CDH4: variants seen among roughly 807,000 people sequenced by gnomAD.
CDH4 encodes the protein cadherin-4.
A neutral mutation model predicts 86.0 loss-of-function variants in CDH4; 33 were observed. That is an observed-to-expected ratio of 0.38 (90% confidence interval 0.29 to 0.51). CDH4 has a LOEUF of 0.51. Ranked by LOEUF, CDH4 falls within the 20% of genes least tolerant of loss-of-function variation. CDH4 has a pLI of 0.86. For missense variants in CDH4, 1,114 were observed against 1,307.4 expected (o/e 0.85, Z 2.28); for synonymous variants, 555 against 549.4 (o/e 1.01, Z -0.14).
At chr20:61,541,543 C>G (rs1316925898) in intron 2 of CDH4, among the ~76,000 whole-genome samples, 5 of 152,214 alleles carry the variant, frequency 3.3e-5, no homozygotes, top group African/African-American at 1.2e-4. Context: ...GATGTCACTA[C>G]TTTACCACGT....
chr20:61,259,767 G>A (rs921318944), intron 2 of CDH4, among the ~76,000 whole-genome samples: 2 of 152,172 alleles, frequency 1.3e-5, no homozygotes, highest in African/African-American at 4.8e-5. Flanking sequence ...TTACACCAAT[G>A]TGGCAATGTG....
At chr20:61,602,975 C>G (rs997031151) in intron 2 of CDH4, among the ~76,000 whole-genome samples, 1 of 152,240 alleles carries the variant, frequency 6.6e-6, no homozygotes, top group Non-Finnish European at 1.5e-5. Context: ...CCAGCTCCTG[C>G]GTGATCTGCA....
chr20:61,815,464 T>G (rs999156612), intron 4 of CDH4, among the ~76,000 whole-genome samples: 1 of 152,164 alleles, frequency 6.6e-6, no homozygotes, highest in Non-Finnish European at 1.5e-5. Context: ...TCAGCTGGAC[T>G]TCACCCTCCA....
At chr20:61,514,976 C>T (rs536541919) in intron 2 of CDH4, among the ~76,000 whole-genome samples, 23 of 152,176 alleles carry the variant, frequency 1.5e-4, no homozygotes, top group African/African-American at 5.1e-4. Context: ...GGGGCGGGGG[C>T]GGGTGGCACG....
At chr20:61,409,144 T>C (rs1205175451) in intron 2 of CDH4, among the ~76,000 whole-genome samples, 1 of 152,314 alleles carries the variant, frequency 6.6e-6, no homozygotes, top group Non-Finnish European at 1.5e-5. Flanking sequence ...CATCACGTGG[T>C]GGGGACAGCT....
chr20:61,404,179 ACT>A (rs1209477324), intron 2 of CDH4, among the ~76,000 whole-genome samples: 1 of 151,578 alleles, frequency 6.6e-6, no homozygotes, highest in African/African-American at 2.4e-5. Context: ...CTGGGCCAGG[ACT>A]CCCACCACCA....
chr20:61,439,238 T>TTGTGCTGCAGTGTGCGTTTC (rs1568845351), intron 2 of CDH4, among the ~76,000 whole-genome samples: 2 of 151,952 alleles, frequency 1.3e-5, no homozygotes, highest in African/African-American at 2.4e-5. Flanking sequence ...GTGTGCGTTT[T>TTGTGCTGCAGTGTGCGTTTC]GGTTGTGCTG....
chr20:61,731,524 G>A (rs1372982360), intron 2 of CDH4, among the ~76,000 whole-genome samples: 1 of 152,316 alleles, frequency 6.6e-6, no homozygotes, highest in African/African-American at 2.4e-5. Context: ...CCCCAGGTGG[G>A]GTGAAGCAGA....
chr20:61,928,835 A>T (rs971706925), intron 12 of CDH4, among the ~76,000 whole-genome samples: 2 of 152,240 alleles, frequency 1.3e-5, no homozygotes, highest in African/African-American at 2.4e-5. Context: ...TGCTCTAAAC[A>T]TGTCTACTTC....
At chr20:61,669,046 A>G (rs1305964990) in intron 2 of CDH4, among the ~76,000 whole-genome samples, 1 of 152,208 alleles carries the variant, frequency 6.6e-6, no homozygotes, top group African/African-American at 2.4e-5. Flanking sequence ...GCGGCAGGTC[A>G]GGTCCTTCCT....
Position 61,557,937 on chromosome 20 carries a change from T to TA in CDH4, c.170-185624dup, listed in dbSNP as rs200583227. On this transcript the variant is annotated intron_variant, in intron 2 of 15. Coordinates refer to ENST00000614565, the MANE Select transcript of CDH4 (RefSeq NM_001794.5). ...ATGAATGGCTGTATTATTATCAAGGTAATTCAAAACAAATTTCAAGCTGTG... is the reference window on the plus strand; with the variant it reads ...ATGAATGGCTGTATTATTATCAAGGTAAATTCAAAACAAATTTCAAGCTGTG... Among the ~76,000 whole-genome samples the TA allele has an allele frequency of 6.5e-4, 99 of 152,246 alleles. 1 individual carries two copies. The East Asian group carries it at 0.017, about 26-fold the overall frequency.
intron 3 of CDH4, among the ~76,000 whole-genome samples, chr20:61,761,009 T>C (rs992474377): frequency 6.6e-6 from 1 of 152,206 alleles, no homozygotes; most frequent in African/African-American, 2.4e-5. Flanking sequence ...TTAGCTACCA[T>C]GGAAACCAGC....
In CDH4 at chr20:61,721,702, C is replaced by A. The variant is rs147851418; in HGVS notation, c.170-21861C>A. On this transcript the variant is annotated intron_variant, in intron 2 of 15. Transcript: ENST00000614565. ...TGTTGAGGGCTGGTGATATGCTTCT[C>A]TGGAAGGGGGCATTGGTGAGGCTTG... 5.8e-3 allele frequency among the ~76,000 whole-genome samples: 886 copies of A among 152,318 alleles called. 11 individuals are homozygous for A. The highest frequency in any genetic ancestry group is 0.036 in the South Asian group (172 of 4,810).
intron 2 of CDH4, among the ~76,000 whole-genome samples, chr20:61,345,815 A>G (rs6015954): frequency 0.2 from 30,087 of 152,102 alleles, 2,952 homozygotes; most frequent in Middle Eastern, 0.35. Flanking sequence ...AGAGGTGGAC[A>G]ACCCCTGCCA....
At chr20:61,479,358 C>T (rs1277794754) in intron 2 of CDH4, among the ~76,000 whole-genome samples, 2 of 152,018 alleles carry the variant, frequency 1.3e-5, no homozygotes, top group Admixed American at 1.3e-4. Flanking sequence ...CCCCTTCCCC[C>T]ACCCCACAAC....
At chr20:61,907,713 C>G (rs2054806028) in intron 8 of CDH4, among the ~76,000 whole-genome samples, 1 of 152,228 alleles carries the variant, frequency 6.6e-6, no homozygotes, top group Non-Finnish European at 1.5e-5. Context: ...CCAGGCCTCC[C>G]CGGGTACCCA....
chr20:61,776,498 A>G (rs942878174), intron 4 of CDH4, among the ~76,000 whole-genome samples: 2 of 152,188 alleles, frequency 1.3e-5, no homozygotes, highest in Non-Finnish European at 2.9e-5. Context: ...TGGCTTTGCT[A>G]TGGTTTGGAA....
chr20:61,512,564 G>T (rs567257071), intron 2 of CDH4, among the ~76,000 whole-genome samples: 5 of 152,288 alleles, frequency 3.3e-5, no homozygotes, highest in African/African-American at 1.2e-4. Flanking sequence ...CCAAAAGTAG[G>T]TCATGGGAGG....
intron 2 of CDH4, among the ~76,000 whole-genome samples, chr20:61,586,621 C>A (rs970809215): frequency 1.3e-5 from 2 of 152,172 alleles, no homozygotes; most frequent in African/African-American, 4.8e-5. Context: ...TCATTTGATC[C>A]TTTTGTAGAC....
Sources: allele counts gnomAD v4.1 joint callset (sites outside exome capture counted in the v4.1 genomes callset), GRCh38; gene constraint gnomAD v4.1.1; transcripts MANE v1.5; gene names NCBI Gene and HGNC (gene_info 2026-07-23, HGNC 2026-07-21).